Variants in BSDC1 observed in about 807,000 individuals in gnomAD.
The protein encoded by BSDC1 is BSD domain-containing protein 1.
Under a neutral mutation model 56.0 loss-of-function variants are expected in BSDC1, and 29 were observed. That is an observed-to-expected ratio of 0.52 (90% CI 0.39 to 0.71). The LOEUF is 0.71. Among genes scored for constraint, BSDC1 ranks in the 30% least tolerant of loss-of-function variants. The pLI is 0.00. For missense variants in BSDC1, 477 were observed against 548.5 expected (o/e 0.87, Z 1.30); for synonymous variants, 210 against 215.3 (o/e 0.98, Z 0.21).
At chr1:32,383,614 C>T (rs528339683) in intron 4 of BSDC1, among the ~76,000 whole-genome samples, 25 of 152,200 alleles carry the variant, frequency 1.6e-4, no homozygotes, top group Non-Finnish European at 2.9e-4. Context: ...AGGTTATATA[C>T]CAATAAGAAA....
intron 4 of BSDC1, 62 bp from the exon 5 acceptor site, chr1:32,381,330 T>C (rs371292019): frequency 1.3e-6 from 2 of 1,509,072 alleles, no homozygotes; most frequent in Admixed American, 1.8e-5. Flanking sequence ...AAAGCACCCT[T>C]TCTCTGCCAG....
Position 32,366,443 on chromosome 1 carries a change from C to T in BSDC1, c.*179G>A. ...GTTTCTGGCCGGGATTTAGAGAGCC[C>T]CTTCCCAGGTGTGAGCAGAGGCCCA... On this transcript the variant is annotated 3_prime_UTR_variant, in exon 11 of 11. Coordinates refer to ENST00000455895, the MANE Select transcript of BSDC1 (RefSeq NM_018045.8). 1 of 726,060 alleles carries T rather than the reference C, an allele frequency of 1.4e-6. No individual in the cohort carries two copies. Among genetic ancestry groups the T allele is most frequent in the Non-Finnish European group, 2.5e-6 (1 of 399,326 alleles). 45.0% of individuals were successfully genotyped at this position (726,060 alleles called of 1,614,324 possible). A position where few individuals can be genotyped will look rare whatever the true frequency, so the allele number is the denominator to read the frequency against.
Position 32,378,373 on chromosome 1 carries a change from T to C in BSDC1, c.529-90A>G, listed in dbSNP as rs762396588. 6 of 1,318,002 alleles carry C rather than the reference T, an allele frequency of 4.6e-6. No homozygotes were observed. Among genetic ancestry groups the C allele is most frequent in the Non-Finnish European group, 6.5e-6 (6 of 921,918 alleles). The allele number at this position is 1,318,002 out of a possible 1,614,324, so 81.6% of individuals were successfully genotyped here. A position where few individuals can be genotyped will look rare whatever the true frequency, so the allele number is the denominator to read the frequency against. ...CTTATCAGTCTATTCCCAGCCAGTC[T>C]GGATTTCAGACCCAGTAAGTGGCTT... On this transcript the variant is annotated intron_variant, in intron 6 of 10. Coordinates refer to ENST00000455895, the MANE Select transcript of BSDC1 (RefSeq NM_018045.8). The surrounding 1 kb of genome is among the most constrained non-coding windows in gnomAD (Gnocchi z 5.2).
intron 2 of BSDC1, among the ~76,000 whole-genome samples, chr1:32,390,793 C>A (rs1156579592): frequency 6.6e-6 from 1 of 152,034 alleles, no homozygotes; most frequent in Non-Finnish European, 1.5e-5. Flanking sequence ...CGCCTATAGT[C>A]CCAGCTACTT....
intron 5 of BSDC1, among the ~76,000 whole-genome samples, chr1:32,380,594 C>T (rs1160104151): frequency 2.0e-5 from 3 of 152,050 alleles, no homozygotes; most frequent in Non-Finnish European, 2.9e-5. Flanking sequence ...TGCAGTGAGC[C>T]GAGATCGCGC....
chr1:32,366,822 G>A (rs899792540), intron 10 of BSDC1, 168 bp from the exon 11 acceptor site: 18 of 1,366,890 alleles, frequency 1.3e-5, no homozygotes, highest in Non-Finnish European at 1.6e-5. Flanking sequence ...TGTGTCTGAG[G>A]GGCAGAGCTG....
rs1479869624 is a variant in BSDC1, at chr1:32,386,846, T to A, written c.122A>T (p.Gln41Leu). 1 of 1,612,242 alleles carries A rather than the reference T, an allele frequency of 6.2e-7. No homozygotes were observed. The highest frequency in any genetic ancestry group is 2.2e-5 in the East Asian group (1 of 44,894). The stretch of plus-strand genomic sequence containing the variant: ...ACAGGCCGTGTCATGCTGCACCACC[T>A]GGGTAAACTCCGTCAGGTCCCGCTT... ...FMKRDLTEFT[Q>L]VVQHDTACTI... Residue 41 changes from glutamine (Q) to leucine (L), a missense_variant, in exon 3 of 11, where the codon CAG (glutamine) becomes CTG (leucine). Physicochemically the swap from Gln to Leu is moderately radical, Grantham distance 113. Transcript: ENST00000455895.
chr1:32,378,609 A>T lies in BSDC1; in HGVS notation c.528+115T>A, dbSNP rs1642376109. 5.2e-6 allele frequency: 4 copies of T among 762,142 alleles called. No homozygotes were observed. The highest frequency in any genetic ancestry group is 8.4e-6 in the Non-Finnish European group (4 of 478,608). 47.2% of individuals were successfully genotyped at this position (762,142 alleles called of 1,614,324 possible). ...GGACACAGCTGGTCTGGCTCTATGG[A>T]GCCTCCCAGTGCTCTCCGGGCCAGA... On this transcript the variant is annotated intron_variant, in intron 6 of 10. Coordinates refer to ENST00000455895, the MANE Select transcript of BSDC1 (RefSeq NM_018045.8). This position sits in a 1 kb window ranked among gnomAD's most constrained non-coding sequence, Gnocchi z 5.2.
intron 3 of BSDC1, 73 bp downstream of exon 3, chr1:32,386,706 T>G: frequency 2.9e-6 from 3 of 1,052,102 alleles, no homozygotes; most frequent in Non-Finnish European, 4.2e-6. Context: ...CACTTAATGG[T>G]AGAAAGGTTG....
chr1:32,366,542 TCA>T lies in BSDC1; in HGVS notation c.*78_*79del, dbSNP rs1229055773. On this transcript the variant is annotated 3_prime_UTR_variant, in exon 11 of 11. Coordinates refer to ENST00000455895, the MANE Select transcript of BSDC1 (RefSeq NM_018045.8). The stretch of plus-strand genomic sequence containing the variant: ...GCAGAGGAGATTTGGGGGAACATTC[TCA>T]GTCTTCCAGGGCTGGGCTGAGACGA... 2.3e-6 allele frequency: 3 copies of T among 1,315,510 alleles called. No homozygotes were observed. Among genetic ancestry groups the T allele is most frequent in the Non-Finnish European group, 3.2e-6 (3 of 931,706 alleles). 81.5% of individuals were successfully genotyped at this position (1,315,510 alleles called of 1,614,324 possible).
intron 2 of BSDC1, among the ~76,000 whole-genome samples, chr1:32,389,928 A>G (rs1052221774): frequency 1.1e-4 from 16 of 150,544 alleles, no homozygotes; most frequent in Non-Finnish European, 2.4e-4. Flanking sequence ...GGCTGTGATC[A>G]TGCCACTGCA....
intron 2 of BSDC1, among the ~76,000 whole-genome samples, chr1:32,388,674 C>T (rs1570170348): frequency 6.6e-6 from 1 of 152,212 alleles, no homozygotes; most frequent in East Asian, 1.9e-4. Context: ...CTGGTATCCC[C>T]TACCACTGTG....
intron 8 of BSDC1, among the ~76,000 whole-genome samples, chr1:32,377,294 A>G (rs1161950999): frequency 6.6e-6 from 1 of 152,236 alleles, no homozygotes; most frequent in Non-Finnish European, 1.5e-5. Context: ...GTTATGGATT[A>G]GAAAGCCAAG....
Position 32,376,737 on chromosome 1 carries a change from C to T in BSDC1, c.681G>A (p.Glu227=), listed in dbSNP as rs770396760. The T allele has an allele frequency of 7.1e-7, 1 of 1,413,966 alleles. No homozygotes were observed. Among genetic ancestry groups the T allele is most frequent in the East Asian group, 2.4e-5 (1 of 42,068 alleles). The allele number at this position is 1,413,966 out of a possible 1,614,324, so 87.6% of individuals were successfully genotyped here. ...GAGATATGGGTGAAATGCCCATGAGCTCCTCTGTAGAGAGAGAAAGGGAGG... is the reference window on the plus strand; with the variant it reads ...GAGATATGGGTGAAATGCCCATGAGTTCCTCTGTAGAGAGAGAAAGGGAGG... ...EEPGWEEEEE[E]LMGISPISPK... is the part of the protein sequence containing the mutation. The change falls in exon 9 of 11, where the codon GAG becomes GAA. Residue 227 remains glutamate, a synonymous_variant. Transcript: ENST00000455895.
Position 32,394,130 on chromosome 1 carries a change from C to T in BSDC1, c.22G>A (p.Gly8Arg). The change falls in exon 2 of 11, where the codon GGA (glycine) becomes AGA (arginine). Residue 8 changes from glycine to arginine, a missense_variant. Physicochemically the swap from Gly to Arg is moderately radical, Grantham distance 125 (BLOSUM62 -2). Coordinates refer to ENST00000455895, the MANE Select transcript of BSDC1 (RefSeq NM_018045.8). ...TGCTGCAGCCAGCTCCGCCACCATC[C>T]CACGTCCTCCCTGTGGAAGACAGAC... Reference protein sequence around the residue: MAEGEDVGWWRSWLQQSY... With the variant: MAEGEDVRWWRSWLQQSY... The T allele has an allele frequency of 6.2e-7, 1 of 1,609,320 alleles. No individual in the cohort carries two copies. The highest frequency in any genetic ancestry group is 8.5e-7 in the Non-Finnish European group (1 of 1,177,978).
intron 4 of BSDC1, among the ~76,000 whole-genome samples, chr1:32,382,738 G>A (rs1358787181): frequency 6.7e-6 from 1 of 149,916 alleles, no homozygotes; most frequent in Non-Finnish European, 1.5e-5. Flanking sequence ...GTGCACGCCT[G>A]TGGTCCCCGC....
At chr1:32,372,063 T>C (rs1412816034) in intron 9 of BSDC1, among the ~76,000 whole-genome samples, 3 of 152,146 alleles carry the variant, frequency 2.0e-5, no homozygotes, top group Admixed American at 2.0e-4. Flanking sequence ...GACCTGGCCC[T>C]GCCGTTTGAG....
In BSDC1 at chr1:32,383,844, A is replaced by G; in HGVS notation, c.343T>C (p.Tyr115His). The change falls in exon 4 of 11, where the codon TAT becomes CAT. Residue 115 changes from tyrosine (Y) to histidine (H), a missense_variant. Transcript: ENST00000455895. ...TCAGTGAATACCTTGGTGCCATCATAGGGCTCAGCTGTGCCAGACGGTGTG... is the reference window on the plus strand; with the variant it reads ...TCAGTGAATACCTTGGTGCCATCATGGGGCTCAGCTGTGCCAGACGGTGTG... ...MGTPSGTAEP[Y>H]DGTKARLYSL... The G allele has an allele frequency of 6.2e-7, 1 of 1,612,220 alleles. No individual in the cohort carries two copies. The highest frequency in any genetic ancestry group is 8.5e-7 in the Non-Finnish European group (1 of 1,180,026).
In BSDC1 at chr1:32,366,333, T is replaced by A. The variant is rs1192123029; in HGVS notation, c.*289A>T. ...AGCAGGAGTCCTCAGGAACAGTGGGTGTTCAGCAGAAAAACACAGGCTCTT... is the reference window on the plus strand; with the variant it reads ...AGCAGGAGTCCTCAGGAACAGTGGGAGTTCAGCAGAAAAACACAGGCTCTT... On this transcript the variant is annotated 3_prime_UTR_variant, in exon 11 of 11. Transcript: ENST00000455895. 1 of 622,066 alleles carries A rather than the reference T, an allele frequency of 1.6e-6. No homozygotes were observed. Among genetic ancestry groups the A allele is most frequent in the East Asian group, 3.0e-5 (1 of 33,106 alleles). 38.5% of individuals were successfully genotyped at this position (622,066 alleles called of 1,614,324 possible).
Sources: gnomAD v4.1 joint callset for allele counts (sites outside exome capture counted in the v4.1 genomes callset) on GRCh38, gnomAD v4.1.1 for gene constraint, Gnocchi (gnomAD v3.1) non-coding constraint, MANE v1.5 for transcripts, NCBI Gene and HGNC (gene_info 2026-07-23, HGNC 2026-07-21) for gene names.